ACYP2: variants seen among roughly 807,000 people sequenced by gnomAD.
ACYP2 encodes the protein acylphosphatase 2, also known as acylphosphatase-2.
A neutral mutation model predicts 11.2 loss-of-function variants in ACYP2; 12 were observed. The observed-to-expected ratio is 1.08, with a 90% confidence interval of 0.69 to 1.74. The LOEUF is 1.74. Ranked by LOEUF, ACYP2 falls within the 40% of genes most tolerant of loss-of-function variation. ACYP2 has a pLI of 0.00. For synonymous variants in ACYP2, 43 were observed against 32.2 expected (o/e 1.33, Z -1.13); for missense variants, 134 against 101.9 (o/e 1.31, Z -1.35).
intron 2 of ACYP2, among the ~76,000 whole-genome samples, chr2:53,978,465 C>T (rs1671600887): frequency 6.6e-6 from 1 of 152,086 alleles, no homozygotes; most frequent in African/African-American, 2.4e-5. Context: ...AGACAGTGGT[C>T]CCACAAGATT....
intron 6 of ACYP2, among the ~76,000 whole-genome samples, chr2:54,193,489 G>C (rs1684324957): frequency 6.6e-6 from 1 of 152,134 alleles, no homozygotes; most frequent in Non-Finnish European, 1.5e-5. Flanking sequence ...TGAATCAGGT[G>C]TGTATTTCTT....
chr2:54,227,212 T>A (rs1686044712), intron 6 of ACYP2, among the ~76,000 whole-genome samples: 1 of 152,200 alleles, frequency 6.6e-6, no homozygotes. Flanking sequence ...GAGTAATAAG[T>A]TTCTATTTTT....
chr2:54,138,675 G>C lies in ACYP2; in HGVS notation c.331G>C (p.Gly111Arg), dbSNP rs778625549. The stretch of plus-strand genomic sequence containing the variant: ...TGAAGCTAGGAAAATAGGAGTGGTT[G>C]GCTGGGTGAAGAATACCAGCAAAGG... Residue 111 changes from glycine to arginine, a missense_variant, in exon 6 of 7, where the codon GGC becomes CGC. By Grantham distance (125) the Gly-to-Arg change is moderately radical. Coordinates refer to ENST00000607452, the MANE Select transcript of ACYP2 (RefSeq NM_001320586.2). The C allele has an allele frequency of 6.2e-7, 1 of 1,614,084 alleles. No homozygotes were observed. Among genetic ancestry groups the C allele is most frequent in the Admixed American group, 1.7e-5 (1 of 60,004 alleles).
At chr2:54,074,578 TTGTGTGTGTGTGTG>T (rs59845178) in intron 4 of ACYP2, among the ~76,000 whole-genome samples, 3,610 of 146,032 alleles carry the variant, frequency 0.025, 88 homozygotes, top group East Asian at 0.15. Context: ...AGAACAGAAT[TTGTGTGTGTGTGTG>T]TGTGTGTGTG....
intron 2 of ACYP2, among the ~76,000 whole-genome samples, chr2:54,008,077 A>T (rs764792378): frequency 7.9e-5 from 12 of 152,206 alleles, no homozygotes; most frequent in Non-Finnish European, 1.6e-4. Flanking sequence ...GTAATTTTGC[A>T]AACGCAGTTT....
chr2:54,238,721 G>T (rs1237569935), intron 6 of ACYP2, among the ~76,000 whole-genome samples: 2 of 151,856 alleles, frequency 1.3e-5, no homozygotes, highest in African/African-American at 2.4e-5. Flanking sequence ...CAAATAAGAT[G>T]CATTATTTTC....
chr2:54,172,865 A>G (rs1232239774), intron 6 of ACYP2, among the ~76,000 whole-genome samples: 2 of 152,214 alleles, frequency 1.3e-5, no homozygotes, highest in African/African-American at 4.8e-5. Flanking sequence ...GTCCCCGCAG[A>G]GAACATGAAC....
intron 4 of ACYP2, among the ~76,000 whole-genome samples, chr2:54,082,183 A>G (rs960623088): frequency 6.6e-6 from 1 of 152,172 alleles, no homozygotes; most frequent in Non-Finnish European, 1.5e-5. Context: ...TGAAATATCA[A>G]TCAGTTTTCA....
intron 4 of ACYP2, among the ~76,000 whole-genome samples, chr2:54,067,963 G>A (rs1676827544): frequency 6.6e-6 from 1 of 152,194 alleles, no homozygotes; most frequent in Non-Finnish European, 1.5e-5. Context: ...TAAGATTTAA[G>A]CAAAACATTG....
chr2:54,250,943 T>C (rs1242941407), intron 6 of ACYP2, among the ~76,000 whole-genome samples: 1 of 152,174 alleles, frequency 6.6e-6, no homozygotes, highest in African/African-American at 2.4e-5. Flanking sequence ...TGAAAAGACA[T>C]GAAACTTTGA....
chr2:54,099,996 C>T (rs996870798), intron 4 of ACYP2, among the ~76,000 whole-genome samples: 19 of 152,170 alleles, frequency 1.2e-4, no homozygotes, highest in African/African-American at 3.6e-4. Flanking sequence ...AGGTGTGAGG[C>T]GGTATCTCCT....
At chr2:54,201,636 C>CTTTCTTTCTTTCTCTT (rs59874821) in intron 6 of ACYP2, among the ~76,000 whole-genome samples, 6 of 93,662 alleles carry the variant, frequency 6.4e-5, no homozygotes, top group African/African-American at 2.1e-4. Flanking sequence ...TTCTTTCTTT[C>CTTTCTTTCTTTCTCTT]TCTTTCTTTC....
At chr2:54,027,307 T>C (rs772127070) in intron 2 of ACYP2, among the ~76,000 whole-genome samples, 3 of 152,152 alleles carry the variant, frequency 2.0e-5, no homozygotes, top group Admixed American at 6.5e-5. Flanking sequence ...CCATAAAAAC[T>C]TGGAGGGTCA....
chr2:54,257,621 A>C (rs140133126), intron 6 of ACYP2, among the ~76,000 whole-genome samples: 3 of 152,218 alleles, frequency 2.0e-5, no homozygotes, highest in African/African-American at 7.2e-5. Flanking sequence ...AAACAGGAGA[A>C]ATTTATGTAA....
chr2:54,146,046 C>T (rs1425070494), intron 6 of ACYP2, among the ~76,000 whole-genome samples: 8 of 152,156 alleles, frequency 5.3e-5, no homozygotes, highest in African/African-American at 1.7e-4. Context: ...TATAAGCTTC[C>T]GAAGGAAAGG....
intron 2 of ACYP2, among the ~76,000 whole-genome samples, chr2:53,977,502 A>C (rs1445250270): frequency 6.6e-6 from 1 of 151,976 alleles, no homozygotes; most frequent in Non-Finnish European, 1.5e-5. Flanking sequence ...TGGGAGGCTG[A>C]GGTGGGCAGA....
intron 6 of ACYP2, among the ~76,000 whole-genome samples, chr2:54,290,011 C>T (rs1573058536): frequency 6.6e-6 from 1 of 152,034 alleles, no homozygotes; most frequent in African/African-American, 2.4e-5. Context: ...GTTCTTCTAG[C>T]GGTTCTTGTG....
At chr2:54,140,539 C>CAA (rs3069004) in intron 6 of ACYP2, among the ~76,000 whole-genome samples, 3 of 151,638 alleles carry the variant, frequency 2.0e-5, no homozygotes, top group Non-Finnish European at 4.4e-5. Flanking sequence ...CACACACACA[C>CAA]ACACACACAC....
intron 6 of ACYP2, among the ~76,000 whole-genome samples, chr2:54,166,064 T>G (rs1223546383): frequency 1.3e-5 from 2 of 152,170 alleles, no homozygotes; most frequent in East Asian, 3.8e-4. Flanking sequence ...CAGACCCTGG[T>G]CCATTGGCTT....
Sources: allele counts gnomAD v4.1 joint callset (sites outside exome capture counted in the v4.1 genomes callset), GRCh38; gene constraint gnomAD v4.1.1; transcripts MANE v1.5; gene names NCBI Gene and HGNC (gene_info 2026-07-23, HGNC 2026-07-21).